Variants in NXNL2 observed in about 807,000 individuals in gnomAD.
The protein encoded by NXNL2 is nucleoredoxin like 2.
A neutral mutation model predicts 11.1 loss-of-function variants in NXNL2; 7 were observed. The observed-to-expected ratio is 0.63, with a 90% CI of 0.36 to 1.18. NXNL2 has a LOEUF of 1.18. Ranked by LOEUF, NXNL2 falls within the 50% of genes most tolerant of loss-of-function variation. NXNL2 has a pLI of 0.02. For synonymous variants in NXNL2, 109 were observed against 101.8 expected (o/e 1.07, Z -0.42); for missense variants, 233 against 217.7 (o/e 1.07, Z -0.44).
chr9:88,537,760 C>G (rs1829660201), intron 1 of NXNL2, among the ~76,000 whole-genome samples: 1 of 152,202 alleles, frequency 6.6e-6, no homozygotes, highest in Non-Finnish European at 1.5e-5. Context: ...CAGAGCCAGA[C>G]ATGGTTCAGT....
intron 1 of NXNL2, among the ~76,000 whole-genome samples, chr9:88,561,415 TATC>T (rs1830083974): frequency 6.6e-6 from 1 of 152,182 alleles, no homozygotes; most frequent in Non-Finnish European, 1.5e-5. Flanking sequence ...CCTCTTTATC[TATC>T]ATCTATCTAT....
At chr9:88,541,750 A>G (rs1179672966) in intron 1 of NXNL2, among the ~76,000 whole-genome samples, 1 of 152,180 alleles carries the variant, frequency 6.6e-6, no homozygotes, top group Non-Finnish European at 1.5e-5. Flanking sequence ...AATTAGATCC[A>G]TAAGTCATCT....
chr9:88,560,757 A>G (rs1456097985), intron 1 of NXNL2, among the ~76,000 whole-genome samples: 2 of 152,020 alleles, frequency 1.3e-5, no homozygotes, highest in African/African-American at 2.4e-5. Context: ...AAAAAGAAAG[A>G]CAATTTAGGA....
At chr9:88,580,484 T>C (rs1178324523), downstream of NXNL2, among the ~76,000 whole-genome samples, 1 of 152,208 alleles carries the variant, frequency 6.6e-6, no homozygotes, top group Non-Finnish European at 1.5e-5. Context: ...AGAACATAGA[T>C]GTCAGCCAAC....
chr9:88,540,897 T>C (rs368981177), intron 1 of NXNL2, among the ~76,000 whole-genome samples: 1 of 151,026 alleles, frequency 6.6e-6, no homozygotes, highest in African/African-American at 2.4e-5. Flanking sequence ...TTTGATATTC[T>C]TGTGCCTTCT....
At chr9:88,570,254 G>T (rs914673741) in intron 1 of NXNL2, among the ~76,000 whole-genome samples, 4 of 152,082 alleles carry the variant, frequency 2.6e-5, no homozygotes, top group Non-Finnish European at 5.9e-5. Context: ...AAAAAGCTGG[G>T]ATTACAGGCA....
At chr9:88,555,012 A>G (rs1474476276) in intron 1 of NXNL2, among the ~76,000 whole-genome samples, 1 of 152,216 alleles carries the variant, frequency 6.6e-6, no homozygotes, top group Non-Finnish European at 1.5e-5. Flanking sequence ...TTATAGATTG[A>G]CTGCCTCATT....
At position 88,572,692 on chromosome 9, in the gene NXNL2, C is replaced by T. The variant is rs371490665; in HGVS notation, c.*16+1484C>T. ...ATCCCTCTGAGGTGAGGCTGAGCCTCGCTTTAATGACGGACACCTTAGCTC... is the reference window on the plus strand; with the variant it reads ...ATCCCTCTGAGGTGAGGCTGAGCCTTGCTTTAATGACGGACACCTTAGCTC... On this transcript the variant is annotated intron_variant, in intron 2 of 2. Transcript: ENST00000375855. Among the ~76,000 whole-genome samples, 79 of 152,314 alleles carry T rather than the reference C, an allele frequency of 5.2e-4. No individual in the cohort carries two copies. In the South Asian group the frequency reaches 0.015, roughly 29 times the overall value.
intron 1 of NXNL2, among the ~76,000 whole-genome samples, chr9:88,536,553 C>G (rs1238015982): frequency 2.6e-5 from 4 of 151,780 alleles, no homozygotes; most frequent in African/African-American, 2.4e-5. Flanking sequence ...TGGCCACCCC[C>G]TTCTAGGTAC....
chr9:88,537,278 C>T (rs923294734), intron 1 of NXNL2, among the ~76,000 whole-genome samples: 1 of 152,172 alleles, frequency 6.6e-6, no homozygotes, highest in African/African-American at 2.4e-5. Flanking sequence ...CTCTTTCTGC[C>T]GTGCCCTACT....
chr9:88,568,502 G>T lies in NXNL2; in HGVS notation c.303-2585G>T, dbSNP rs538066244. Reference sequence around the variant, plus strand: ...GGACACTGGGCCCCCCAGGGGATCAGCACTGAGGGCCACAACCTCAAACTC... The same window carrying T: ...GGACACTGGGCCCCCCAGGGGATCATCACTGAGGGCCACAACCTCAAACTC... On this transcript the variant is annotated intron_variant, in intron 1 of 2. Transcript: ENST00000375855. Among the ~76,000 whole-genome samples the T allele has an allele frequency of 1.4e-3, 220 of 152,328 alleles. 2 individuals are homozygous for T. The highest frequency in any genetic ancestry group is 4.8e-3 in the African/African-American group (200 of 41,582).
intron 1 of NXNL2, among the ~76,000 whole-genome samples, chr9:88,569,486 T>G (rs556147367): frequency 1.3e-5 from 2 of 152,256 alleles, no homozygotes; most frequent in Non-Finnish European, 1.5e-5. Flanking sequence ...CCTTCCTTAG[T>G]ATAATTTTTC....
chr9:88,561,184 A>C (rs536660045), intron 1 of NXNL2, among the ~76,000 whole-genome samples: 1 of 152,292 alleles, frequency 6.6e-6, no homozygotes. Flanking sequence ...GCCAGTGAAT[A>C]TAAAGCAGGC....
intron 1 of NXNL2, among the ~76,000 whole-genome samples, chr9:88,542,986 A>T (rs1829790645): frequency 6.6e-6 from 1 of 152,202 alleles, no homozygotes; most frequent in Non-Finnish European, 1.5e-5. Context: ...TGGCCATGGT[A>T]AACAGGAAAG....
At chr9:88,583,765 G>T (rs971147938) in intron 1 of NXNL2, among the ~76,000 whole-genome samples, 3 of 152,198 alleles carry the variant, frequency 2.0e-5, no homozygotes, top group African/African-American at 7.2e-5. Flanking sequence ...GTGTCACAGG[G>T]TAGCCCTAAT....
Position 88,542,616 on chromosome 9 carries a change from A to G in NXNL2, c.303-1763A>G, listed in dbSNP as rs147007838. Among the ~76,000 whole-genome samples, 626 of 152,290 alleles carry G rather than the reference A, an allele frequency of 4.1e-3. 2 individuals are homozygous for G. Among genetic ancestry groups the G allele is most frequent in the Middle Eastern group, 6.8e-3 (2 of 294 alleles). On this transcript the variant is annotated intron_variant, in intron 1 of 1. Transcript: ENST00000375854. ...AAAAATGGTTTCTTATTGGTTTCCA[A>G]TTCCATTACCATTGGTCTGATTAAG...
chr9:88,556,450 G>C (rs1176554075), intron 1 of NXNL2, among the ~76,000 whole-genome samples: 1 of 152,114 alleles, frequency 6.6e-6, no homozygotes, highest in Non-Finnish European at 1.5e-5. Context: ...ACCCGAAGTG[G>C]GTAACCCATA....
At chr9:88,566,723 T>C (rs1332060090) in intron 1 of NXNL2, among the ~76,000 whole-genome samples, 1 of 152,212 alleles carries the variant, frequency 6.6e-6, no homozygotes, top group Non-Finnish European at 1.5e-5. Flanking sequence ...TTCTTTTGCA[T>C]GTTTCATTCT....
chr9:88,544,866 C>T lies in NXNL2; in HGVS notation c.*319C>T, dbSNP rs1263218762. The T allele has an allele frequency of 9.7e-7, 1 of 1,026,052 alleles. No homozygotes were observed. The highest frequency in any genetic ancestry group is 1.2e-6 in the Non-Finnish European group (1 of 854,574). The allele number at this position is 1,026,052 out of a possible 1,614,324, so 63.6% of individuals were successfully genotyped here. A position where few individuals can be genotyped will look rare whatever the true frequency, so the allele number is the denominator to read the frequency against. ...GCAAGACATTTATTTGTACAAGTCT[C>T]TTCAGGTAAAATAATATATTTATTG... On this transcript the variant is annotated 3_prime_UTR_variant, in exon 2 of 2. Transcript: ENST00000375854.
Sources: allele counts gnomAD v4.1 joint callset (sites outside exome capture counted in the v4.1 genomes callset), GRCh38; gene constraint gnomAD v4.1.1; transcripts MANE v1.5; gene names NCBI Gene and HGNC (gene_info 2026-07-23, HGNC 2026-07-21).